CDH13: variants seen among roughly 807,000 people sequenced by gnomAD.
CDH13 encodes the protein cadherin-13.
In CDH13, 24 loss-of-function variants were observed where a neutral mutation model predicts 63.8. That is an observed-to-expected ratio of 0.38 (90% CI 0.27 to 0.53). The LOEUF is 0.53. CDH13 is among the 20% of genes least tolerant of loss of function. The probability of loss-of-function intolerance (pLI) is 0.85; values close to 1 mark genes in which losing one functional copy is unlikely to be tolerated. For missense variants in CDH13, 1,049 were observed against 903.1 expected (o/e 1.16, Z -2.07); for synonymous variants, 503 against 355.3 (o/e 1.42, Z -4.67).
At chr16:83,269,508 T>G (rs762776264) in intron 5 of CDH13, among the ~76,000 whole-genome samples, 9 of 149,126 alleles carry the variant, frequency 6.0e-5, no homozygotes, top group African/African-American at 2.3e-4. Context: ...GATCTTAGAA[T>G]AGTGTGAGTT....
rs570817731 is a variant in CDH13, at chr16:83,463,448, G to A, written c.782-23029G>A. Among the ~76,000 whole-genome samples the A allele has an allele frequency of 2.0e-5, 3 of 152,332 alleles. No individual in the cohort carries two copies. The South Asian group carries it at 6.2e-4, about 32-fold the overall frequency. ...GCCACTTTGCAGAACAGCGGCAGTG[G>A]TTGTGCAGAGGAAGATGGCATACCA... On this transcript the variant is annotated intron_variant, in intron 6 of 13. Transcript: ENST00000567109.
intron 2 of CDH13, among the ~76,000 whole-genome samples, chr16:82,979,036 A>T (rs959528119): frequency 2.0e-5 from 3 of 152,350 alleles, no homozygotes; most frequent in African/African-American, 7.2e-5. Context: ...TAGATGTGAG[A>T]CATGAAGTCA....
intron 7 of CDH13, among the ~76,000 whole-genome samples, chr16:83,592,235 A>G (rs967470102): frequency 1.3e-5 from 2 of 152,174 alleles, no homozygotes; most frequent in African/African-American, 4.8e-5. Context: ...TAAGCTCCAT[A>G]TAGCTTTCCT....
At position 83,800,509 on chromosome 16, in the gene CDH13, C is replaced by T. The variant is rs1597250791; in HGVS notation, c.*5479C>T. ...TATTCAGTCTATGGCAGATGTCGCTCCTTTGGGCCCTCACTGCTGAATTGC... is the reference window on the plus strand; with the variant it reads ...TATTCAGTCTATGGCAGATGTCGCTTCTTTGGGCCCTCACTGCTGAATTGC... On this transcript the variant is annotated 3_prime_UTR_variant, in exon 14 of 14. Transcript: ENST00000567109. 6.6e-6 allele frequency: 1 copy of T among 152,322 alleles called. No individual in the cohort carries two copies. The highest frequency in any genetic ancestry group is 1.9e-4 in the East Asian group (1 of 5,180). The allele number at this position is 152,322 out of a possible 1,614,324, so 9.4% of individuals were successfully genotyped here.
chr16:83,498,945 TGGG>T (rs1276734682), intron 7 of CDH13, among the ~76,000 whole-genome samples: 6 of 152,210 alleles, frequency 3.9e-5, no homozygotes, highest in Non-Finnish European at 5.9e-5. Context: ...CTCCTGCCCT[TGGG>T]GGGAAATGCA....
chr16:83,793,468 C>T (rs1916405091), intron 13 of CDH13, among the ~76,000 whole-genome samples: 1 of 152,192 alleles, frequency 6.6e-6, no homozygotes, highest in Admixed American at 6.5e-5. Flanking sequence ...CTCTTGAACG[C>T]ACACTATGCT....
At position 83,251,385 on chromosome 16, in the gene CDH13, C is replaced by T. The variant is rs553244256; in HGVS notation, c.636+33888C>T. On this transcript the variant is annotated intron_variant, in intron 5 of 13. Coordinates refer to ENST00000567109, the MANE Select transcript of CDH13 (RefSeq NM_001257.5). Reference sequence around the variant, plus strand: ...GAAAATTGTGAGTTCTAGCATTGCCCCATTTTAAAGAGAAGGCACCTGAGG... The same window carrying T: ...GAAAATTGTGAGTTCTAGCATTGCCTCATTTTAAAGAGAAGGCACCTGAGG... Among the ~76,000 whole-genome samples, 165 of 152,212 alleles carry T rather than the reference C, an allele frequency of 1.1e-3. 1 individual carries two copies. Among genetic ancestry groups the T allele is most frequent in the African/African-American group, 3.8e-3 (156 of 41,520 alleles).
intron 5 of CDH13, among the ~76,000 whole-genome samples, chr16:83,296,638 C>G (rs1011576483): frequency 6.6e-6 from 1 of 152,184 alleles, no homozygotes; most frequent in African/African-American, 2.4e-5. Flanking sequence ...TACACACACA[C>G]ACACATAAGT....
intron 6 of CDH13, among the ~76,000 whole-genome samples, chr16:83,353,775 C>A (rs1021964748): frequency 2.0e-5 from 3 of 152,188 alleles, no homozygotes; most frequent in Non-Finnish European, 4.4e-5. Context: ...ATATCATTCA[C>A]ATTAGACCTT....
At position 83,602,502 on chromosome 16, in the gene CDH13, G is replaced by A; in HGVS notation, c.1009G>A (p.Ala337Thr). The change falls in exon 8 of 14, where the codon GCT becomes ACT. Residue 337 changes from alanine to threonine, a missense_variant. Ala to Thr is a moderately conservative substitution (Grantham distance 58). Coordinates refer to ENST00000567109, the MANE Select transcript of CDH13 (RefSeq NM_001257.5). ...YELIIEAQDM[A>T]GLDVGLTGTA... The stretch of plus-strand genomic sequence containing the variant: ...ACTGATCATCGAGGCTCAAGATATG[G>A]CTGGACTGGATGTTGGATTAACAGG... 1 of 1,613,878 alleles carries A rather than the reference G, an allele frequency of 6.2e-7. No homozygotes were observed. The highest frequency in any genetic ancestry group is 8.5e-7 in the Non-Finnish European group (1 of 1,179,802).
intron 6 of CDH13, among the ~76,000 whole-genome samples, chr16:83,386,567 C>G (rs1420007469): frequency 6.6e-6 from 1 of 152,186 alleles, no homozygotes; most frequent in Non-Finnish European, 1.5e-5. Flanking sequence ...GTATTACCCA[C>G]CCTACTTGAG....
intron 7 of CDH13, among the ~76,000 whole-genome samples, chr16:83,513,719 C>G (rs1344782047): frequency 2.0e-5 from 3 of 152,152 alleles, no homozygotes; most frequent in African/African-American, 7.2e-5. Context: ...CCAATTACCT[C>G]TCACCAGGCC....
chr16:83,254,960 T>TTTCG (rs1226487930), intron 5 of CDH13, among the ~76,000 whole-genome samples: 414 of 4,956 alleles, frequency 0.084, 7 homozygotes, highest in Admixed American at 0.094. Context: ...TCTTTCTTTC[T>TTTCG]TTCTTTCTTT....
At chr16:82,945,168 G>C (rs1358833702) in intron 2 of CDH13, among the ~76,000 whole-genome samples, 3 of 152,180 alleles carry the variant, frequency 2.0e-5, no homozygotes, top group Admixed American at 6.5e-5. Flanking sequence ...ATAAGTGTTG[G>C]CAAAGGACAA....
rs544367736 is a variant in CDH13, at chr16:83,706,200, C to T, written c.1538+27739C>T. 4.6e-5 allele frequency among the ~76,000 whole-genome samples: 7 copies of T among 152,306 alleles called. No individual in the cohort carries two copies. The East Asian group carries it at 1.4e-3, about 29-fold the overall frequency. On this transcript the variant is annotated intron_variant, in intron 10 of 13. Coordinates refer to ENST00000567109, the MANE Select transcript of CDH13 (RefSeq NM_001257.5). ...GCCAGAACATCTACTTGTGGCCTCT[C>T]CACGAGGCCTGGGCTCTCTCACAAC...
At position 83,713,333 on chromosome 16, in the gene CDH13, C is replaced by T. The variant is rs376962488; in HGVS notation, c.1539-34775C>T. 6.0e-4 allele frequency among the ~76,000 whole-genome samples: 91 copies of T among 152,340 alleles called. 2 individuals carry two copies. The South Asian group carries it at 0.018, about 31-fold the overall frequency. On this transcript the variant is annotated intron_variant, in intron 10 of 13. Coordinates refer to ENST00000567109, the MANE Select transcript of CDH13 (RefSeq NM_001257.5). Reference sequence around the variant, plus strand: ...ACCTCATCTTCTGCCATTGGCCTCCCACCCCACATTTTTCCAATGAGGTTC... The same window carrying T: ...ACCTCATCTTCTGCCATTGGCCTCCTACCCCACATTTTTCCAATGAGGTTC...
At chr16:83,229,825 C>T (rs1174987703) in intron 5 of CDH13, among the ~76,000 whole-genome samples, 1 of 152,160 alleles carries the variant, frequency 6.6e-6, no homozygotes, top group Non-Finnish European at 1.5e-5. Context: ...CCTGTTTCTG[C>T]ATGTGGGACC....
intron 4 of CDH13, among the ~76,000 whole-genome samples, chr16:83,140,385 T>C (rs2036479986): frequency 6.6e-6 from 1 of 152,246 alleles, no homozygotes; most frequent in Non-Finnish European, 1.5e-5. Flanking sequence ...GTTTCAGGGC[T>C]TCTAATGTGG....
chr16:83,386,802 G>T (rs964271185), intron 6 of CDH13, among the ~76,000 whole-genome samples: 1 of 152,108 alleles, frequency 6.6e-6, no homozygotes, highest in Non-Finnish European at 1.5e-5. Context: ...TGATGTCAGG[G>T]GTGTCCCCAC....
Sources: gnomAD v4.1 joint callset for allele counts (sites outside exome capture counted in the v4.1 genomes callset) on GRCh38, gnomAD v4.1.1 for gene constraint, MANE v1.5 for transcripts, NCBI Gene and HGNC (gene_info 2026-07-23, HGNC 2026-07-21) for gene names.